Variants in NHEJ1 observed in about 807,000 individuals in gnomAD.
NHEJ1 encodes the protein non-homologous end joining factor 1, also known as non-homologous end-joining factor 1.
NHEJ1 carries 22 observed loss-of-function variants against 39.4 expected under a neutral mutation model. That is an observed-to-expected ratio of 0.56 (90% CI 0.40 to 0.80). The LOEUF (loss-of-function observed/expected upper bound fraction) is 0.80. Among genes scored for constraint, NHEJ1 ranks in the 30% least tolerant of loss-of-function variants. The pLI is 0.00. For missense variants in NHEJ1, 329 were observed against 357.1 expected (o/e 0.92, Z 0.63); for synonymous variants, 154 against 135.6 (o/e 1.14, Z -0.94).
intron 5 of NHEJ1, among the ~76,000 whole-genome samples, chr2:219,145,385 T>C (rs1226086637): frequency 6.6e-6 from 1 of 152,202 alleles, no homozygotes; most frequent in African/African-American, 2.4e-5. Context: ...ACCCCAAGCA[T>C]TGTAGCTCAG....
At chr2:219,115,165 GA>G in intron 5 of NHEJ1, among the ~76,000 whole-genome samples, 1 of 151,254 alleles carries the variant, frequency 6.6e-6, no homozygotes, top group African/African-American at 2.4e-5. Flanking sequence ...AGAAGAAGAA[GA>G]AGAAGAAGAA....
intron 3 of NHEJ1, among the ~76,000 whole-genome samples, chr2:219,156,605 G>C (rs1488594678): frequency 1.3e-5 from 2 of 152,180 alleles, no homozygotes; most frequent in Admixed American, 1.3e-4. Context: ...CTTTGGACCA[G>C]ACTAATCTGG....
intron 5 of NHEJ1, among the ~76,000 whole-genome samples, chr2:219,139,642 TAATA>T (rs1949670942): frequency 6.6e-6 from 1 of 152,144 alleles, no homozygotes; most frequent in African/African-American, 2.4e-5. Flanking sequence ...CCATGCAAGA[TAATA>T]AATGTGTTTT....
rs372977188 is a variant in NHEJ1, at chr2:219,152,789, T to TTTTATTTATTTATTTATTTATTTATTTA, written c.390+4655_390+4682dup. On this transcript the variant is annotated intron_variant, in intron 3 of 7. Coordinates refer to ENST00000356853, the MANE Select transcript of NHEJ1 (RefSeq NM_024782.3). ...GGATCTCTTTCATTTATTTATTTAT[T>TTTTATTTATTTATTTATTTATTTATTTA]TTTATTTATTTATTTATTTATTTAT... Among the ~76,000 whole-genome samples, 343 of 87,768 alleles carry TTTTATTTATTTATTTATTTATTTATTTA rather than the reference T, an allele frequency of 3.9e-3. 1 individual carries two copies. The highest frequency in any genetic ancestry group is 9.1e-3 in the East Asian group (37 of 4,060). 57.6% of individuals were successfully genotyped at this position (87,768 alleles called of 152,430 possible). A position where few individuals can be genotyped will look rare whatever the true frequency, so the allele number is the denominator to read the frequency against.
intron 5 of NHEJ1, among the ~76,000 whole-genome samples, chr2:219,138,138 T>C (rs184595422): frequency 6.6e-6 from 1 of 152,300 alleles, no homozygotes; most frequent in Admixed American, 6.5e-5. Context: ...AACAGGTACA[T>C]GGTAAAAGGG....
chr2:219,115,120 C>G lies in NHEJ1; in HGVS notation c.588+31560G>C, dbSNP rs973558512. On this transcript the variant is annotated intron_variant, in intron 5 of 7. Transcript: ENST00000356853. ...GAGTGGGGCTCCAACAGACTGGGGACAGCTTTTCCAAAAGAATCCCACCGT... is the reference window on the plus strand; with the variant it reads ...GAGTGGGGCTCCAACAGACTGGGGAGAGCTTTTCCAAAAGAATCCCACCGT... Among the ~76,000 whole-genome samples the G allele has an allele frequency of 2.0e-5, 3 of 150,128 alleles. 1 individual carries two copies. The Admixed American group carries it at 2.0e-4, about 10-fold the overall frequency.
intron 5 of NHEJ1, among the ~76,000 whole-genome samples, chr2:219,143,420 C>T (rs1326887409): frequency 6.6e-6 from 1 of 152,176 alleles, no homozygotes; most frequent in African/African-American, 2.4e-5. Context: ...CATATTACCC[C>T]AGCCCTTATG....
intron 5 of NHEJ1, among the ~76,000 whole-genome samples, chr2:219,146,267 T>G (rs1347574892): frequency 6.6e-6 from 1 of 152,086 alleles, no homozygotes; most frequent in East Asian, 1.9e-4. Context: ...AGCCCTAAGC[T>G]TTTTACCTTC....
chr2:219,137,099 C>A (rs1949638653), intron 5 of NHEJ1, among the ~76,000 whole-genome samples: 1 of 147,276 alleles, frequency 6.8e-6, no homozygotes, highest in African/African-American at 2.5e-5. Context: ...GAAGTGGTAA[C>A]CCCTGGTTAC....
intron 5 of NHEJ1, among the ~76,000 whole-genome samples, chr2:219,139,538 C>A (rs76488853): frequency 0.016 from 2,438 of 152,274 alleles, 69 homozygotes; most frequent in African/African-American, 0.055. Flanking sequence ...ACAATGACTG[C>A]GTTACCAGCT....
intron 5 of NHEJ1, among the ~76,000 whole-genome samples, chr2:219,090,920 C>G (rs1949154579): frequency 6.6e-6 from 1 of 152,194 alleles, no homozygotes; most frequent in South Asian, 2.1e-4. Context: ...GCTTTTACAG[C>G]ACTCTATTCA....
intron 4 of NHEJ1, 44 bp downstream of exon 4, chr2:219,147,612 AT>A: frequency 1.9e-6 from 3 of 1,613,652 alleles, no homozygotes; most frequent in African/African-American, 1.3e-5. Context: ...CCCTTTGACT[AT>A]TTTTAACACG....
chr2:219,157,991 T>TCACACACACA (rs58103413), intron 2 of NHEJ1, among the ~76,000 whole-genome samples, 195 bp downstream of exon 2: 24 of 99,270 alleles, frequency 2.4e-4, no homozygotes, highest in African/African-American at 7.8e-4. Context: ...TCTCTCTCTC[T>TCACACACACA]CACACACACA....
intron 4 of NHEJ1, among the ~76,000 whole-genome samples, chr2:219,147,107 C>A (rs1204534473): frequency 6.6e-6 from 1 of 152,220 alleles, no homozygotes; most frequent in Non-Finnish European, 1.5e-5. Context: ...CTTTCCCTGC[C>A]ATTGCCTAGG....
intron 5 of NHEJ1, among the ~76,000 whole-genome samples, chr2:219,084,599 GGT>G (rs1949095758): frequency 6.6e-6 from 1 of 152,120 alleles, no homozygotes; most frequent in Non-Finnish European, 1.5e-5. Flanking sequence ...CCAGTTACCA[GGT>G]GTGTTACTAA....
In NHEJ1 at chr2:219,111,628, G is replaced by C. The variant is rs62191773; in HGVS notation, c.589-33422C>G. On this transcript the variant is annotated intron_variant, in intron 5 of 7. Transcript: ENST00000356853. This position sits in a 1 kb window ranked among gnomAD's most constrained non-coding sequence, Gnocchi z 4.1. The stretch of plus-strand genomic sequence containing the variant: ...GAATTAAGTCTACAGTGTGAATACA[G>C]ACACACACACACACACACACACACA... 9.4e-5 allele frequency among the ~76,000 whole-genome samples: 13 copies of C among 138,368 alleles called. No homozygotes were observed. The highest frequency in any genetic ancestry group is 1.5e-4 in the Non-Finnish European group (10 of 64,932). 90.8% of individuals were successfully genotyped at this position (138,368 alleles called of 152,430 possible).
At chr2:219,085,358 G>C (rs1212956043) in intron 5 of NHEJ1, among the ~76,000 whole-genome samples, 1 of 152,150 alleles carries the variant, frequency 6.6e-6, no homozygotes, top group Non-Finnish European at 1.5e-5. Context: ...CTCTCTCTTT[G>C]TCCTCACAGA....
chr2:219,093,656 G>A (rs1241619155), intron 5 of NHEJ1, among the ~76,000 whole-genome samples: 4 of 152,144 alleles, frequency 2.6e-5, no homozygotes, highest in Non-Finnish European at 5.9e-5. Flanking sequence ...AAACAGGAAA[G>A]GAGAAGTGAC....
intron 5 of NHEJ1, among the ~76,000 whole-genome samples, chr2:219,079,297 C>T (rs2106320858): frequency 6.6e-6 from 1 of 152,274 alleles, no homozygotes; most frequent in African/African-American, 2.4e-5. Flanking sequence ...TAGCAGGTCC[C>T]CAAGAGCAGC....
Sources: gnomAD v4.1 joint callset for allele counts (sites outside exome capture counted in the v4.1 genomes callset) on GRCh38, gnomAD v4.1.1 for gene constraint, Gnocchi (gnomAD v3.1) non-coding constraint, MANE v1.5 for transcripts, NCBI Gene and HGNC (gene_info 2026-07-23, HGNC 2026-07-21) for gene names.